The following CTNNA2 variants were observed in gnomAD, a reference collection of about 807,000 sequenced individuals.
CTNNA2 encodes the protein catenin alpha 2.
A neutral mutation model predicts 101.0 loss-of-function variants in CTNNA2; 42 were observed. The observed-to-expected ratio is 0.42, with a 90% CI of 0.32 to 0.54. CTNNA2 has a LOEUF of 0.54. Ranked by LOEUF, CTNNA2 falls within the 20% of genes least tolerant of loss-of-function variation. The probability of loss-of-function intolerance (pLI) is 0.14; values close to 1 mark genes in which losing one functional copy is unlikely to be tolerated. For missense variants in CTNNA2, 871 were observed against 1,223.1 expected (o/e 0.71, Z 4.29); for synonymous variants, 450 against 456.4 (o/e 0.99, Z 0.18).
intron 8 of CTNNA2, among the ~76,000 whole-genome samples, chr2:80,393,724 T>C (rs1677738651): frequency 1.3e-5 from 2 of 152,248 alleles, no homozygotes; most frequent in South Asian, 4.1e-4. Context: ...TTAAGGTCTC[T>C]TGGCCAGTGT....
chr2:79,673,109 G>T (rs757569238), intron 2 of CTNNA2, among the ~76,000 whole-genome samples: 1 of 152,156 alleles, frequency 6.6e-6, no homozygotes, highest in African/African-American at 2.4e-5. Flanking sequence ...TGTTCAGTTT[G>T]AATGTTATTA....
intron 3 of CTNNA2, among the ~76,000 whole-genome samples, chr2:79,802,340 C>A (rs1467895184): frequency 1.3e-5 from 2 of 152,266 alleles, no homozygotes; most frequent in Non-Finnish European, 2.9e-5. Flanking sequence ...TCCATTTTTA[C>A]AAAGTAGAGC....
intron 4 of CTNNA2, among the ~76,000 whole-genome samples, chr2:79,486,142 T>A (rs903146466): frequency 6.6e-6 from 1 of 152,176 alleles, no homozygotes; most frequent in Non-Finnish European, 1.5e-5. Context: ...GTTATATATG[T>A]ATACATGTGC....
At chr2:79,636,269 C>CAAAA (rs57739991) in intron 1 of CTNNA2, among the ~76,000 whole-genome samples, 27 of 67,244 alleles carry the variant, frequency 4.0e-4, no homozygotes, top group Non-Finnish European at 6.3e-4. Context: ...GACTCTGTCT[C>CAAAA]AAAAAAAAAA....
intron 18 of CTNNA2, 118 bp from the exon 19 acceptor site, chr2:80,647,467 C>T: frequency 1.1e-6 from 1 of 895,150 alleles, no homozygotes. Flanking sequence ...TGCTCCTTTT[C>T]AGCAATACTA....
intron 4 of CTNNA2, among the ~76,000 whole-genome samples, chr2:79,481,739 A>C (rs906296244): frequency 1.3e-5 from 2 of 152,166 alleles, no homozygotes; most frequent in Non-Finnish European, 2.9e-5. Context: ...TGCAGCTTTT[A>C]AATAACAATT....
chr2:79,744,587 G>T lies in CTNNA2; in HGVS notation c.298+5G>T, dbSNP rs138888063. ...TAGAGGATGTGCGCAAACAAGGTAG[G>T]CAGAATGATATTATTGTTCAAGGCG... On this transcript the variant is annotated splice_donor_5th_base_variant and intron_variant, in intron 3 of 18. Coordinates refer to ENST00000402739, the MANE Select transcript of CTNNA2 (RefSeq NM_001282597.3). 6.2e-7 allele frequency: 1 copy of T among 1,612,482 alleles called. No homozygotes were observed. Among genetic ancestry groups the T allele is most frequent in the Admixed American group, 1.7e-5 (1 of 59,850 alleles).
At chr2:79,599,156 C>T (rs1460364633) in intron 1 of CTNNA2, among the ~76,000 whole-genome samples, 1 of 152,134 alleles carries the variant, frequency 6.6e-6, no homozygotes, top group Non-Finnish European at 1.5e-5. Flanking sequence ...TTCTATTCAT[C>T]TATTTGTCTC....
intron 2 of CTNNA2, among the ~76,000 whole-genome samples, chr2:79,737,621 G>A (rs1461077774): frequency 2.0e-5 from 3 of 152,132 alleles, no homozygotes; most frequent in African/African-American, 4.8e-5. Flanking sequence ...ATATTTTAAT[G>A]TGCATATGAA....
chr2:79,308,769 G>A (rs1177011413), intron 2 of CTNNA2, among the ~76,000 whole-genome samples: 1 of 137,400 alleles, frequency 7.3e-6, no homozygotes, highest in Non-Finnish European at 1.6e-5. Flanking sequence ...TCCACTAAAT[G>A]TTTCATTTTA....
chr2:79,752,617 A>T (rs1558898743), intron 3 of CTNNA2, among the ~76,000 whole-genome samples: 1 of 152,180 alleles, frequency 6.6e-6, no homozygotes, highest in Admixed American at 6.5e-5. Context: ...TTTGCCTCTC[A>T]TAGTCTGGTA....
intron 7 of CTNNA2, among the ~76,000 whole-genome samples, chr2:79,940,350 G>C (rs1292943013): frequency 2.6e-5 from 4 of 152,126 alleles, no homozygotes; most frequent in African/African-American, 9.7e-5. Flanking sequence ...TTGTTTTGTT[G>C]TGTTTTTAAA....
At chr2:80,274,955 T>A (rs1174326164) in intron 7 of CTNNA2, among the ~76,000 whole-genome samples, 2 of 152,250 alleles carry the variant, frequency 1.3e-5, no homozygotes, top group Non-Finnish European at 2.9e-5. Flanking sequence ...CCTCAGAAGA[T>A]AGAGCATTTG....
chr2:80,394,800 C>G (rs181836002), intron 8 of CTNNA2, among the ~76,000 whole-genome samples: 95 of 151,842 alleles, frequency 6.3e-4, no homozygotes, highest in African/African-American at 1.9e-3. Context: ...TTGTGTGAGT[C>G]TAAGGGATAT....
intron 8 of CTNNA2, among the ~76,000 whole-genome samples, chr2:80,410,783 C>T (rs995199987): frequency 5.9e-5 from 9 of 152,210 alleles, no homozygotes; most frequent in African/African-American, 2.2e-4. Context: ...TGAGTTTCTG[C>T]ACTTGTTAGC....
intron 3 of CTNNA2, among the ~76,000 whole-genome samples, chr2:79,803,267 G>A (rs1033527629): frequency 1.6e-4 from 25 of 152,158 alleles, no homozygotes; most frequent in Non-Finnish European, 2.9e-5. Flanking sequence ...CTAACCCAGC[G>A]GCGCTAGAGG....
intron 1 of CTNNA2, among the ~76,000 whole-genome samples, chr2:79,185,867 A>G (rs545377041): frequency 6.6e-6 from 1 of 152,280 alleles, no homozygotes; most frequent in African/African-American, 2.4e-5. Context: ...CTGTTAGTGA[A>G]GGAAAAGGGA....
chr2:79,728,305 G>A (rs562752379), intron 2 of CTNNA2, among the ~76,000 whole-genome samples: 15 of 152,274 alleles, frequency 9.9e-5, no homozygotes, highest in African/African-American at 3.4e-4. Flanking sequence ...TTGTGGTTTT[G>A]ATTTGCATTT....
At chr2:80,408,506 T>C (rs1394318049) in intron 8 of CTNNA2, among the ~76,000 whole-genome samples, 1 of 152,210 alleles carries the variant, frequency 6.6e-6, no homozygotes, top group Non-Finnish European at 1.5e-5. Flanking sequence ...TTGGGGCATA[T>C]TACAAGCTTC....
Sources: allele counts gnomAD v4.1 joint callset (sites outside exome capture counted in the v4.1 genomes callset), GRCh38; gene constraint gnomAD v4.1.1; transcripts MANE v1.5; gene names NCBI Gene and HGNC (gene_info 2026-07-23, HGNC 2026-07-21).